The following CD48 variants were observed in gnomAD, a reference collection of about 807,000 sequenced individuals.
CD48 encodes the protein CD48 molecule, also known as CD48 antigen.
Under a neutral mutation model 22.0 loss-of-function variants are expected in CD48, and 20 were observed. The observed-to-expected ratio is 0.91, with a 90% CI of 0.64 to 1.32. CD48 has a LOEUF of 1.32. Among genes scored for constraint, CD48 ranks in the 40% most tolerant of loss-of-function variants. The pLI, the probability that CD48 is intolerant of heterozygous loss-of-function variation, is 0.00. For missense variants in CD48, 307 were observed against 286.5 expected (o/e 1.07, Z -0.52); for synonymous variants, 110 against 110.1 (o/e 1.00, Z 0.01).
intron 1 of CD48, among the ~76,000 whole-genome samples, chr1:160,696,334 G>A (rs1005087371): frequency 8.5e-5 from 13 of 152,286 alleles, no homozygotes; most frequent in African/African-American, 2.7e-4. Context: ...TAGCATGGAC[G>A]ATCAGTTAAA....
chr1:160,693,485 GT>G (rs1662301565), intron 1 of CD48, among the ~76,000 whole-genome samples: 1 of 152,242 alleles, frequency 6.6e-6, no homozygotes, highest in Non-Finnish European at 1.5e-5. Flanking sequence ...AACAGGAGTT[GT>G]TTTAGGAGGA....
intron 1 of CD48, chr1:160,699,724 T>C (rs545522292): frequency 1.3e-5 from 2 of 152,146 alleles, no homozygotes; most frequent in African/African-American, 4.8e-5. Flanking sequence ...CACTTGATCC[T>C]TTACCTTGTC....
intron 1 of CD48, among the ~76,000 whole-genome samples, chr1:160,697,962 C>G (rs1662491926): frequency 6.6e-6 from 1 of 152,180 alleles, no homozygotes; most frequent in Admixed American, 6.5e-5. Context: ...ATCTCTACCC[C>G]AAGACCAAAA....
chr1:160,693,544 T>C (rs145362781), intron 1 of CD48, among the ~76,000 whole-genome samples: 5,833 of 152,076 alleles, frequency 0.038, no homozygotes, highest in East Asian at 0.12. Flanking sequence ...GTCAAATTGG[T>C]CATTTAAAAA....
chr1:160,680,908 C>T (rs1661769579), intron 3 of CD48: 2 of 1,418,698 alleles, frequency 1.4e-6, no homozygotes, highest in African/African-American at 2.9e-5. Context: ...ATGACCCTGG[C>T]CTCAGATGTT....
chr1:160,700,046 C>T (rs1173844036), intron 1 of CD48, among the ~76,000 whole-genome samples: 1 of 152,112 alleles, frequency 6.6e-6, no homozygotes, highest in Non-Finnish European at 1.5e-5. Context: ...TTGGGGAAAT[C>T]CTGTAAGGCA....
chr1:160,685,956 G>A (rs182716170), intron 1 of CD48, among the ~76,000 whole-genome samples: 8 of 152,312 alleles, frequency 5.3e-5, no homozygotes, highest in South Asian at 4.1e-4. Flanking sequence ...GACTGACTGC[G>A]GGAAACCCAG....
intron 2 of CD48, among the ~76,000 whole-genome samples, chr1:160,682,866 C>G (rs1661859319): frequency 6.6e-6 from 1 of 152,224 alleles, no homozygotes; most frequent in South Asian, 2.1e-4. Flanking sequence ...CTGCAATCCT[C>G]TGAGATCTTT....
intron 1 of CD48, among the ~76,000 whole-genome samples, chr1:160,703,360 C>A (rs1161076762): frequency 6.6e-6 from 1 of 152,054 alleles, no homozygotes; most frequent in African/African-American, 2.4e-5. Flanking sequence ...TCCCTAAATT[C>A]TTTTAAAAAA....
chr1:160,696,767 G>A (rs570944425), intron 1 of CD48, among the ~76,000 whole-genome samples: 8 of 141,312 alleles, frequency 5.7e-5, no homozygotes, highest in African/African-American at 2.1e-4. Context: ...TTGCCAAACA[G>A]GAGAAAGTAC....
intron 1 of CD48, chr1:160,692,381 G>A (rs2102416332): frequency 6.6e-6 from 1 of 152,210 alleles, no homozygotes; most frequent in South Asian, 2.1e-4. Flanking sequence ...AAATTAGAAG[G>A]AAAAGGTCCA....
intron 1 of CD48, among the ~76,000 whole-genome samples, chr1:160,691,504 CT>C (rs745874837): frequency 5.9e-5 from 9 of 152,308 alleles, no homozygotes; most frequent in Middle Eastern, 6.8e-3. Flanking sequence ...ACGTGTTTGT[CT>C]GCTCACCCTC....
chr1:160,697,359 C>T (rs199707118), intron 1 of CD48, among the ~76,000 whole-genome samples: 176 of 114,940 alleles, frequency 1.5e-3, no homozygotes, highest in South Asian at 2.9e-3. Flanking sequence ...ATGGATAATC[C>T]TATAGAAGTA....
At position 160,696,137 on chromosome 1, in the gene CD48, A is replaced by G. The variant is rs1206651980; in HGVS notation, c.83-10948T>C. 5.9e-4 allele frequency among the ~76,000 whole-genome samples: 88 copies of G among 149,812 alleles called. No homozygotes were observed. In the East Asian group the frequency reaches 8.7e-3, roughly 15 times the overall value. On this transcript the variant is annotated intron_variant, in intron 1 of 3. Transcript: ENST00000368046. Reference sequence around the variant, plus strand: ...ACAGTATTTACTGATGGTTCCAGCAATGGAAAAGTGGCTTACACAGGGCCA... The same window carrying G: ...ACAGTATTTACTGATGGTTCCAGCAGTGGAAAAGTGGCTTACACAGGGCCA...
chr1:160,699,891 C>T (rs921356728), intron 1 of CD48: 1 of 151,636 alleles, frequency 6.6e-6, no homozygotes, highest in African/African-American at 2.4e-5. Flanking sequence ...ATATGCTGAA[C>T]GTTGGTTCCC....
At chr1:160,686,125 G>A (rs1661991886) in intron 1 of CD48, among the ~76,000 whole-genome samples, 1 of 151,906 alleles carries the variant, frequency 6.6e-6, no homozygotes, top group Admixed American at 6.6e-5. Flanking sequence ...TTTTTACAGA[G>A]AAAGGCTCAA....
At chr1:160,698,632 T>C (rs1558036857) in intron 1 of CD48, among the ~76,000 whole-genome samples, 2 of 152,136 alleles carry the variant, frequency 1.3e-5, no homozygotes, top group African/African-American at 2.4e-5. Flanking sequence ...TAGAACATCA[T>C]TTCCAGTTAC....
chr1:160,682,622 AGTGACATTAGGCAAG>A (rs1661852017), intron 2 of CD48, among the ~76,000 whole-genome samples: 1 of 152,082 alleles, frequency 6.6e-6, no homozygotes, highest in South Asian at 2.1e-4. Flanking sequence ...ACTCTAGTGG[AGTGACATTAGGCAAG>A]GTAGTTAACC....
intron 1 of CD48, among the ~76,000 whole-genome samples, chr1:160,703,349 A>T (rs1662691562): frequency 6.6e-6 from 1 of 152,192 alleles, no homozygotes; most frequent in Non-Finnish European, 1.5e-5. Context: ...GAGTACAAGC[A>T]TCCCTAAATT....
Sources: gnomAD v4.1 joint callset for allele counts (sites outside exome capture counted in the v4.1 genomes callset) on GRCh38, gnomAD v4.1.1 for gene constraint, MANE v1.5 for transcripts, NCBI Gene and HGNC (gene_info 2026-07-23, HGNC 2026-07-21) for gene names.